NOX1: variants seen among roughly 807,000 people sequenced by gnomAD.
NOX1 encodes NADPH oxidase 1, also known as NADH/NADPH mitogenic oxidase subunit P65-MOX.
Under a neutral mutation model 42.5 loss-of-function variants are expected in NOX1, and 34 were observed. That is an observed-to-expected ratio of 0.80 (90% CI 0.61 to 1.07). The LOEUF (loss-of-function observed/expected upper bound fraction) is 1.07, where lower values mean the gene tolerates loss of function less well. NOX1 is among the 50% of genes least tolerant of loss of function. NOX1 has a pLI of 0.00. For synonymous variants in NOX1, 143 were observed against 152.5 expected (o/e 0.94, Z 0.46); for missense variants, 408 against 427.0 (o/e 0.96, Z 0.39).
chrX:100,849,669 C>T, intron 10 of NOX1, 103 bp downstream of exon 10: 7 of 821,772 alleles, frequency 8.5e-6, no homozygotes, highest in Non-Finnish European at 1.0e-5. Context: ...TCTCATAACT[C>T]CAGGGATAGG....
intron 10 of NOX1, 84 bp from the exon 11 acceptor site, chrX:100,849,510 A>G: frequency 3.0e-6 from 3 of 1,001,123 alleles, no homozygotes; most frequent in Non-Finnish European, 4.1e-6. Context: ...GGCAGCAGGA[A>G]TGTTCAGAGT....
chrX:100,850,328 A>T lies in NOX1; in HGVS notation c.956T>A (p.Met319Lys). ...ELQMNKRGFS[M>K]EVGQYIFVNC... is the part of the protein sequence containing the mutation. Reference sequence around the variant, plus strand: ...AACAAAGATATACTGCCCCACTTCCATGCTGAAGCCACGCTTGTTCATCTG... The same window carrying T: ...AACAAAGATATACTGCCCCACTTCCTTGCTGAAGCCACGCTTGTTCATCTG... Residue 319 changes from methionine to lysine, a missense_variant, in exon 9 of 13, where the codon ATG (methionine) becomes AAG (lysine). Coordinates refer to ENST00000372966, the MANE Select transcript of NOX1 (RefSeq NM_007052.5). 3 of 1,207,909 alleles carry T rather than the reference A, an allele frequency of 2.5e-6. No homozygotes were observed. Among genetic ancestry groups the T allele is most frequent in the Non-Finnish European group, 3.4e-6 (3 of 893,308 alleles).
At chrX:100,852,264 T>G (rs1276587517) in intron 7 of NOX1, among the ~76,000 whole-genome samples, 3 of 108,985 alleles carry the variant, frequency 2.8e-5, no homozygotes, top group Non-Finnish European at 5.7e-5. Flanking sequence ...AGATCAGGAG[T>G]TCAAGACCAG....
intron 2 of NOX1, among the ~76,000 whole-genome samples, chrX:100,867,382 T>C (rs1162752701): frequency 8.9e-6 from 1 of 112,707 alleles, no homozygotes; most frequent in Non-Finnish European, 1.9e-5. Flanking sequence ...CTCTACTTCA[T>C]AGTGAATCAA....
chrX:100,872,128 G>A lies in NOX1; in HGVS notation c.46-1314C>T, dbSNP rs185729266. On this transcript the variant is annotated intron_variant, in intron 1 of 12. Coordinates refer to ENST00000372966, the MANE Select transcript of NOX1 (RefSeq NM_007052.5). ...ACAGAGTTGTGTCACCACCGAACCT[G>A]CTTTACCAATCAATTTCTTCCTGCC... Among the ~76,000 whole-genome samples the A allele has an allele frequency of 7.1e-3, 800 of 112,006 alleles. 2 individuals are homozygous for A. Among genetic ancestry groups the A allele is most frequent in the Non-Finnish European group, 0.011 (593 of 53,243 alleles).
chrX:100,873,910 C>T (rs2085291181), intron 1 of NOX1, among the ~76,000 whole-genome samples, 185 bp downstream of exon 1: 1 of 112,150 alleles, frequency 8.9e-6, no homozygotes, highest in Non-Finnish European at 1.9e-5. Context: ...ACAACATGAA[C>T]AATTGCATGT....
Position 100,853,254 on chromosome X carries a change from C to T in NOX1, c.805-1929G>A, listed in dbSNP as rs866302508. ...TTCTTTTTCTTTCTTTCCTTCCTTC[C>T]TTCCTTCCTTTCTTTCTTTCTTTCT... On this transcript the variant is annotated intron_variant, in intron 7 of 12. Coordinates refer to ENST00000372966, the MANE Select transcript of NOX1 (RefSeq NM_007052.5). 9.5e-3 allele frequency among the ~76,000 whole-genome samples: 361 copies of T among 37,991 alleles called. 11 individuals carry two copies. The highest frequency in any genetic ancestry group is 0.043 in the African/African-American group (343 of 7,908). The allele number at this position is 37,991 out of a possible 115,157, so 33.0% of individuals were successfully genotyped here. A position where few individuals can be genotyped will look rare whatever the true frequency, so the allele number is the denominator to read the frequency against.
Position 100,850,042 on chromosome X carries a change from AT to A in NOX1, c.1133+108del, listed in dbSNP as rs36078841. 4.3e-3 allele frequency: 4,200 copies of A among 978,820 alleles called. 108 individuals are homozygous for A. The African/African-American group carries it at 0.072, about 17-fold the overall frequency. 80.7% of individuals were successfully genotyped at this position (978,820 alleles called of 1,213,427 possible). On this transcript the variant is annotated intron_variant, in intron 9 of 12. Coordinates refer to ENST00000372966, the MANE Select transcript of NOX1 (RefSeq NM_007052.5). ...TCTCATGGCTGACTTCTGCATATTT[AT>A]TATAATCCTATTCTATTGTACCAAA...
intron 7 of NOX1, among the ~76,000 whole-genome samples, chrX:100,861,650 C>T (rs957333300): frequency 1.8e-5 from 2 of 111,609 alleles, no homozygotes; most frequent in East Asian, 5.6e-4. Context: ...CAGAATTTGA[C>T]TGGAATATCA....
intron 12 of NOX1, among the ~76,000 whole-genome samples, chrX:100,845,622 T>G (rs1007545887): frequency 4.2e-4 from 40 of 94,983 alleles, no homozygotes; most frequent in South Asian, 2.8e-3. Flanking sequence ...TTTTTTTTTT[T>G]TTTTTTTTTT....
chrX:100,856,273 T>C, intron 7 of NOX1: 1 of 859,633 alleles, frequency 1.2e-6, no homozygotes, highest in Non-Finnish European at 1.7e-6. Context: ...GCATTCCCCA[T>C]CACTCATAAT....
At chrX:100,868,444 G>T (rs2085252638) in intron 2 of NOX1, among the ~76,000 whole-genome samples, 1 of 111,259 alleles carries the variant, frequency 9.0e-6, no homozygotes. Context: ...TCATCAGCCT[G>T]TGAGAGAACC....
intron 2 of NOX1, among the ~76,000 whole-genome samples, chrX:100,865,266 C>T (rs747663476): frequency 4.4e-5 from 5 of 112,604 alleles, no homozygotes; most frequent in Non-Finnish European, 7.5e-5. Context: ...CCACTACTTG[C>T]TTATTTGAAT....
intron 7 of NOX1, among the ~76,000 whole-genome samples, chrX:100,853,434 T>TCTTCCTTCCTTCCTTCC (rs1569445834): frequency 9.8e-6 from 1 of 101,767 alleles, no homozygotes; most frequent in Non-Finnish European, 2.0e-5. Context: ...TTTTTTTTTT[T>TCTTCCTTCCTTCCTTCC]TGACAGAGTC....
Position 100,851,268 on chromosome X carries a change from A to G in NOX1, c.862T>C (p.Phe288Leu), listed in dbSNP as rs746955554. 2 of 1,198,523 alleles carry G rather than the reference A, an allele frequency of 1.7e-6. No homozygotes were observed. Among genetic ancestry groups the G allele is most frequent in the Admixed American group, 4.4e-5 (2 of 45,462 alleles). Residue 288 changes from phenylalanine to leucine, a missense_variant, in exon 8 of 13, where the codon TTT becomes CTT. By Grantham distance (22) the Phe-to-Leu change is conservative (BLOSUM62 0). Transcript: ENST00000372966. ...ILYICERILRFYRSQQKVVIT... is the reference protein window; with the variant it reads ...ILYICERILRLYRSQQKVVIT... ...ACAACCTTCTGCTGGGAGCGGTAAA[A>G]CCGGAGGATCCTTTCACAGATATAA...
chrX:100,855,479 A>G, intron 7 of NOX1: 5 of 750,331 alleles, frequency 6.7e-6, no homozygotes, highest in African/African-American at 2.1e-5. Flanking sequence ...TGTAGCTTCC[A>G]CCACCTCCAA....
intron 7 of NOX1, among the ~76,000 whole-genome samples, chrX:100,858,717 A>C (rs184218452): frequency 2.9e-3 from 321 of 110,243 alleles, no homozygotes; most frequent in Middle Eastern, 4.6e-3. Context: ...TGCATTCTTG[A>C]TTTGGCTCTC....
chrX:100,853,316 T>TCTCTC (rs1569445662), intron 7 of NOX1, among the ~76,000 whole-genome samples: 10 of 83,851 alleles, frequency 1.2e-4, no homozygotes, highest in African/African-American at 5.1e-4. Flanking sequence ...CTTTCTTTCT[T>TCTCTC]TCTTTCTCTC....
At chrX:100,868,206 G>A (rs2085251322) in intron 2 of NOX1, among the ~76,000 whole-genome samples, 1 of 111,815 alleles carries the variant, frequency 8.9e-6, no homozygotes, top group Non-Finnish European at 1.9e-5. Context: ...TGAACAGAAC[G>A]TTCAAATTAG....
Sources: gnomAD v4.1 joint callset for allele counts (sites outside exome capture counted in the v4.1 genomes callset) on GRCh38, gnomAD v4.1.1 for gene constraint, MANE v1.5 for transcripts, NCBI Gene and HGNC (gene_info 2026-07-23, HGNC 2026-07-21) for gene names.